The following TRPV3 variants were observed in gnomAD, a reference collection of about 807,000 sequenced individuals.
TRPV3 encodes transient receptor potential cation channel subfamily V member 3.
A neutral mutation model predicts 87.1 loss-of-function variants in TRPV3; 88 were observed. The ratio of observed to expected loss-of-function variants is 1.01; its 90% CI spans 0.85 to 1.21. The LOEUF is 1.21. Among genes scored for constraint, TRPV3 ranks in the 50% most tolerant of loss-of-function variants. The pLI is 0.00. For synonymous variants in TRPV3, 438 were observed against 423.3 expected (o/e 1.03, Z -0.43); for missense variants, 1,054 against 1,030.1 (o/e 1.02, Z -0.32).
chr17:3,532,608 T>G (rs1057107601), intron 8 of TRPV3, 49 bp downstream of exon 8: 2 of 1,598,544 alleles, frequency 1.3e-6, no homozygotes, highest in Admixed American at 3.4e-5. Context: ...GTGGCAGCTG[T>G]ACCTCCTGAC....
chr17:3,549,000 G>A (rs1382442612), intron 2 of TRPV3, among the ~76,000 whole-genome samples: 2 of 152,214 alleles, frequency 1.3e-5, no homozygotes, highest in East Asian at 1.9e-4. Flanking sequence ...ACTTCCCTGC[G>A]GCCCTGCAGT....
At chr17:3,546,777 A>AGACCAGCCT (rs201321354) in intron 2 of TRPV3, 133,216 of 429,232 alleles carry the variant, frequency 0.31, 22,515 homozygotes, top group Non-Finnish European at 0.36. Flanking sequence ...CAGGAGTTTG[A>AGACCAGCCT]GGCCAATGCG....
chr17:3,551,939 G>A (rs2074579604), intron 2 of TRPV3, among the ~76,000 whole-genome samples: 2 of 124,636 alleles, frequency 1.6e-5, no homozygotes, highest in Non-Finnish European at 3.2e-5. Context: ...CTAGAGTGCA[G>A]TGGCACAATC....
rs1008004454 is a variant in TRPV3, at chr17:3,530,395, C to T, written c.1066-192G>A. On this transcript the variant is annotated intron_variant, in intron 8 of 17. Coordinates refer to ENST00000576742, the MANE Select transcript of TRPV3 (RefSeq NM_145068.4). The surrounding 1 kb of genome is among the most constrained non-coding windows in gnomAD (Gnocchi z 4.0). Reference sequence around the variant, plus strand: ...GGAATGCGCACAAAGCTTGCTGTTCCGCCCATCTCACTGGGGGTTGTGAAT... The same window carrying T: ...GGAATGCGCACAAAGCTTGCTGTTCTGCCCATCTCACTGGGGGTTGTGAAT... 2.3e-5 allele frequency: 10 copies of T among 429,606 alleles called. No homozygotes were observed. Among genetic ancestry groups the T allele is most frequent in the Admixed American group, 1.5e-4 (3 of 20,588 alleles). 26.6% of individuals were successfully genotyped at this position (429,606 alleles called of 1,614,324 possible).
rs1226658062 is a variant in TRPV3, at chr17:3,528,998, A to T, written c.1243-3T>A. ...AGGGTCAGCATCTCATGCCGGTTCT[A>T]GGGGTAGAATGCCACCAGTCACCAT... On this transcript the variant is annotated splice_polypyrimidine_tract_variant and splice_region_variant and intron_variant, in intron 9 of 17. Transcript: ENST00000576742. The surrounding 1 kb of genome is among the most constrained non-coding windows in gnomAD (Gnocchi z 4.2). The T allele has an allele frequency of 1.2e-6, 2 of 1,614,130 alleles. No individual in the cohort carries two copies. The highest frequency in any genetic ancestry group is 2.7e-5 in the African/African-American group (2 of 75,038).
intron 1 of TRPV3, among the ~76,000 whole-genome samples, chr17:3,555,831 G>A (rs573254345): frequency 1.5e-4 from 23 of 152,190 alleles, no homozygotes; most frequent in African/African-American, 3.4e-4. Flanking sequence ...CCCTGCCAGC[G>A]AAAGCCATGC....
chr17:3,540,426 G>A (rs898137497), intron 6 of TRPV3, among the ~76,000 whole-genome samples: 8 of 152,084 alleles, frequency 5.3e-5, no homozygotes, highest in East Asian at 3.8e-4. Context: ...AGACCTCCTC[G>A]CCCCAGCAAG....
At position 3,527,592 on chromosome 17, in the gene TRPV3, A is replaced by AGGAT. The variant is rs146068527; in HGVS notation, c.1503+429_1503+432dup. Reference sequence around the variant, plus strand: ...TGTGTTGATTCATTGGATGGATGGAAGGATGGATGGATGGATGGATGGATG... The same window carrying AGGAT: ...TGTGTTGATTCATTGGATGGATGGAAGGATGGATGGATGGATGGATGGATGGATG... On this transcript the variant is annotated intron_variant, in intron 11 of 17. Transcript: ENST00000576742. 1.3e-3 allele frequency: 315 copies of AGGAT among 234,110 alleles called. 2 individuals carry two copies. The highest frequency in any genetic ancestry group is 6.3e-3 in the Middle Eastern group (4 of 630). The allele number at this position is 234,110 out of a possible 1,614,324, so 14.5% of individuals were successfully genotyped here. A position where few individuals can be genotyped will look rare whatever the true frequency, so the allele number is the denominator to read the frequency against.
intron 16 of TRPV3, among the ~76,000 whole-genome samples, chr17:3,516,127 A>C (rs1327854469): frequency 1.3e-5 from 2 of 152,192 alleles, no homozygotes; most frequent in Non-Finnish European, 2.9e-5. Context: ...CGGAGGTTGC[A>C]ATGAGCCAAG....
chr17:3,541,485 G>C (rs148257454), intron 6 of TRPV3, among the ~76,000 whole-genome samples: 1 of 152,120 alleles, frequency 6.6e-6, no homozygotes, highest in African/African-American at 2.4e-5. Flanking sequence ...ACCGTAAAGC[G>C]CTGTTGACTG....
chr17:3,528,991 C>A lies in TRPV3; in HGVS notation c.1247G>T (p.Arg416Leu). 1 of 1,614,116 alleles carries A rather than the reference C, an allele frequency of 6.2e-7. No homozygotes were observed. The highest frequency in any genetic ancestry group is 8.5e-7 in the Non-Finnish European group (1 of 1,180,020). The change falls in exon 10 of 18, where the codon CGG becomes CTG. Residue 416 changes from arginine (R) to leucine (L), a missense_variant. Physicochemically the swap from Arg to Leu is moderately radical, Grantham distance 102. Coordinates refer to ENST00000576742, the MANE Select transcript of TRPV3 (RefSeq NM_145068.4). This position sits in a 1 kb window ranked among gnomAD's most constrained non-coding sequence, Gnocchi z 4.2. Reference protein sequence around the residue: ...ITVYNTNIDNRHEMLTLEPLH... With the variant: ...ITVYNTNIDNLHEMLTLEPLH... ...CGGCTCCAGGGTCAGCATCTCATGCCGGTTCTAGGGGTAGAATGCCACCAG... is the reference window on the plus strand; with the variant it reads ...CGGCTCCAGGGTCAGCATCTCATGCAGGTTCTAGGGGTAGAATGCCACCAG...
chr17:3,549,852 G>A (rs761194471), intron 2 of TRPV3, among the ~76,000 whole-genome samples: 2 of 151,510 alleles, frequency 1.3e-5, no homozygotes, highest in Non-Finnish European at 2.9e-5. Context: ...ATTGATGGGT[G>A]AATAAATGAC....
Position 3,535,698 on chromosome 17 carries a change from T to C in TRPV3, c.659A>G (p.Asn220Ser). 1 of 1,564,348 alleles carries C rather than the reference T, an allele frequency of 6.4e-7. No individual in the cohort carries two copies. The highest frequency in any genetic ancestry group is 1.2e-5 in the South Asian group (1 of 85,214). Reference sequence around the variant, plus strand: ...CCCCTGCCGCCGCTCGATGGCGATGTTCAGCGCCGTCTGCCCTGCGGAGCG... The same window carrying C: ...CCCCTGCCGCCGCTCGATGGCGATGCTCAGCGCCGTCTGCCCTGCGGAGCG... ...EEAYEGQTAL[N>S]IAIERRQGDI... is the part of the protein sequence containing the mutation. The change falls in exon 7 of 18, where the codon AAC becomes AGC. Residue 220 changes from asparagine (N) to serine (S), a missense_variant. By Grantham distance (46) the Asn-to-Ser change is conservative. Transcript: ENST00000576742.
intron 13 of TRPV3, among the ~76,000 whole-genome samples, chr17:3,523,718 C>CAA (rs201681037): frequency 3.7e-4 from 29 of 78,568 alleles, no homozygotes; most frequent in East Asian, 8.5e-4. Context: ...ACTTGGTCTC[C>CAA]AAAAAAAAAA....
chr17:3,511,481 G>A lies in TRPV3; in HGVS notation c.*2436C>T, dbSNP rs892367979. 4.6e-5 allele frequency: 7 copies of A among 152,166 alleles called. No individual in the cohort carries two copies. Among genetic ancestry groups the A allele is most frequent in the African/African-American group, 1.2e-4 (5 of 41,428 alleles). 9.4% of individuals were successfully genotyped at this position (152,166 alleles called of 1,614,324 possible). A position where few individuals can be genotyped will look rare whatever the true frequency, so the allele number is the denominator to read the frequency against. On this transcript the variant is annotated 3_prime_UTR_variant, in exon 18 of 18. Transcript: ENST00000576742. Reference sequence around the variant, plus strand: ...CATTCCTCTCGGAGCATTAGCCTCTGGGCGTAAAATGAAGGAAGTGCTCCT... The same window carrying A: ...CATTCCTCTCGGAGCATTAGCCTCTAGGCGTAAAATGAAGGAAGTGCTCCT...
At chr17:3,529,953 A>G (rs887612495) in intron 9 of TRPV3, 74 bp downstream of exon 9, 2 of 1,520,204 alleles carry the variant, frequency 1.3e-6, no homozygotes, top group African/African-American at 2.8e-5. Context: ...GGGTCTTCCC[A>G]GCGTCCTCTC....
chr17:3,537,788 C>T (rs1426010290), intron 6 of TRPV3, among the ~76,000 whole-genome samples: 2 of 150,780 alleles, frequency 1.3e-5, no homozygotes, highest in Non-Finnish European at 2.9e-5. Context: ...CACCTGTAGT[C>T]CCAGCTACTC....
intron 2 of TRPV3, among the ~76,000 whole-genome samples, chr17:3,548,724 C>G (rs749459164): frequency 1.6e-4 from 24 of 152,348 alleles, no homozygotes; most frequent in Middle Eastern, 6.8e-3. Flanking sequence ...CAATCAAACC[C>G]TTCTTCCAAA....
chr17:3,526,139 T>C (rs1449745067), intron 12 of TRPV3, among the ~76,000 whole-genome samples: 1 of 152,136 alleles, frequency 6.6e-6, no homozygotes, highest in African/African-American at 2.4e-5. Flanking sequence ...AACTGCATTT[T>C]AGACTGAAAT....
Sources: allele counts gnomAD v4.1 joint callset (sites outside exome capture counted in the v4.1 genomes callset), GRCh38; gene constraint gnomAD v4.1.1; non-coding constraint Gnocchi (gnomAD v3.1); transcripts MANE v1.5; gene names NCBI Gene and HGNC (gene_info 2026-07-23, HGNC 2026-07-21).